Variants in CD200R1 observed in about 807,000 individuals in gnomAD.
CD200R1 encodes CD200 receptor 1.
A neutral mutation model predicts 38.1 loss-of-function variants in CD200R1; 30 were observed. That is an observed-to-expected ratio of 0.79 (90% CI 0.59 to 1.07). The LOEUF (loss-of-function observed/expected upper bound fraction) is 1.07. CD200R1 is among the 50% of genes least tolerant of loss of function. The pLI, the probability that CD200R1 is intolerant of heterozygous loss-of-function variation, is 0.00. For synonymous variants in CD200R1, 128 were observed against 152.1 expected, an observed-to-expected ratio of 0.84 and a Z score of 1.16; for missense variants, 372 against 415.4, an observed-to-expected ratio of 0.90 and a Z score of 0.91.
chr3:112,933,526 G>A (rs1025500517), intron 2 of CD200R1, among the ~76,000 whole-genome samples: 4 of 152,074 alleles, frequency 2.6e-5, no homozygotes, highest in Admixed American at 6.5e-5. Context: ...TAGAAGAGGC[G>A]ACAATTGCAC....
intron 1 of CD200R1, among the ~76,000 whole-genome samples, chr3:112,968,659 A>C (rs1040460574): frequency 6.6e-6 from 1 of 152,212 alleles, no homozygotes; most frequent in Non-Finnish European, 1.5e-5. Flanking sequence ...CAGCAGGCAG[A>C]TTTTAGGGCA....
intron 1 of CD200R1, among the ~76,000 whole-genome samples, chr3:112,968,961 G>C (rs1933231386): frequency 6.6e-6 from 1 of 152,136 alleles, no homozygotes; most frequent in East Asian, 1.9e-4. Flanking sequence ...CCTATGCTTA[G>C]GAGAAAATAC....
Position 112,921,516 on chromosome 3 carries a change from TGG to T in CD200R1, c.*2159_*2160del, listed in dbSNP as rs1940171242. On this transcript the variant is annotated 3_prime_UTR_variant, in exon 8 of 8. Coordinates refer to ENST00000308611, the MANE Select transcript of CD200R1 (RefSeq NM_138806.4). ...GCAAAGGAAAAGATACAAAATGGGA[TGG>T]GGAGAAAGCACAGTAAATGAGACAT... The T allele has an allele frequency of 1.3e-5, 2 of 151,824 alleles. No homozygotes were observed. The highest frequency in any genetic ancestry group is 2.9e-5 in the Non-Finnish European group (2 of 67,916). 9.4% of individuals were successfully genotyped at this position (151,824 alleles called of 1,614,324 possible). A position where few individuals can be genotyped will look rare whatever the true frequency, so the allele number is the denominator to read the frequency against.
chr3:112,946,783 G>T (rs544183507), intron 2 of CD200R1, among the ~76,000 whole-genome samples: 61 of 152,182 alleles, frequency 4.0e-4, no homozygotes, highest in African/African-American at 1.3e-3. Context: ...CATGCTTTTT[G>T]GTATTTACCC....
chr3:112,951,747 C>A (rs570097965), intron 1 of CD200R1, among the ~76,000 whole-genome samples: 3 of 146,272 alleles, frequency 2.1e-5, no homozygotes, highest in Non-Finnish European at 4.5e-5. Flanking sequence ...CTAGCACAAA[C>A]AATTGGAAAA....
intron 1 of CD200R1, among the ~76,000 whole-genome samples, chr3:112,973,976 G>A (rs1933372211): frequency 6.6e-6 from 1 of 152,132 alleles, no homozygotes; most frequent in Non-Finnish European, 1.5e-5. Flanking sequence ...ACATCTTGAA[G>A]ATAAATACAG....
intron 1 of CD200R1, among the ~76,000 whole-genome samples, chr3:112,955,511 T>G (rs1221654214): frequency 8.0e-6 from 1 of 124,294 alleles, no homozygotes; most frequent in Non-Finnish European, 1.7e-5. Context: ...TCTCTTCACA[T>G]TTTTTTTTTT....
intron 2 of CD200R1, among the ~76,000 whole-genome samples, chr3:112,936,515 A>G (rs1379892018): frequency 6.6e-6 from 1 of 152,170 alleles, no homozygotes; most frequent in Non-Finnish European, 1.5e-5. Context: ...GTGAGATAGT[A>G]TCTCATTGTA....
intron 1 of CD200R1, among the ~76,000 whole-genome samples, chr3:112,950,301 C>T (rs1051533644): frequency 2.0e-5 from 3 of 151,304 alleles, no homozygotes; most frequent in African/African-American, 7.3e-5. Flanking sequence ...ACTTGGGAGG[C>T]TGATGCAGAG....
intron 1 of CD200R1, among the ~76,000 whole-genome samples, chr3:112,961,258 A>G (rs943952794): frequency 6.6e-6 from 1 of 152,092 alleles, no homozygotes; most frequent in African/African-American, 2.4e-5. Context: ...CTTGCCACTC[A>G]AATTCCTGGA....
intron 1 of CD200R1, among the ~76,000 whole-genome samples, chr3:112,951,647 A>T (rs1940970766): frequency 6.6e-6 from 1 of 151,824 alleles, no homozygotes; most frequent in Admixed American, 6.6e-5. Flanking sequence ...AGTTTGAGGA[A>T]GTTTTCTTCT....
chr3:112,934,981 CA>C (rs1481663004), intron 2 of CD200R1, among the ~76,000 whole-genome samples: 2 of 151,824 alleles, frequency 1.3e-5, no homozygotes, highest in East Asian at 3.9e-4. Flanking sequence ...GACTTTAAGA[CA>C]AAGGCTATAT....
chr3:112,924,203 T>A (rs1005006773), intron 7 of CD200R1, among the ~76,000 whole-genome samples: 1 of 151,946 alleles, frequency 6.6e-6, no homozygotes, highest in African/African-American at 2.4e-5. Flanking sequence ...TTCAAATTGG[T>A]GACAAGAAAC....
At chr3:112,967,935 G>A (rs573582542) in intron 1 of CD200R1, among the ~76,000 whole-genome samples, 6 of 152,178 alleles carry the variant, frequency 3.9e-5, no homozygotes, top group Non-Finnish European at 8.8e-5. Flanking sequence ...TAAAATGAAA[G>A]ATTTTTAATT....
In CD200R1 at chr3:112,928,862, G is replaced by A. The variant is rs763702569; in HGVS notation, c.723C>T (p.Val241=). ...GACTCTTGTTGCCAGTCAAATGGGA[G>A]ACGTGGCAGGTCACGGTAGACACAT... is the stretch of plus-strand genomic sequence containing the variant. ...VHNVSTVTCH[V]SHLTGNKSLY... is the part of the protein sequence containing the mutation. Residue 241 remains valine, a synonymous_variant, in exon 5 of 8, where the codon GTC becomes GTT. Transcript: ENST00000308611. 1 of 1,613,834 alleles carries A rather than the reference G, an allele frequency of 6.2e-7. No individual in the cohort carries two copies. Among genetic ancestry groups the A allele is most frequent in the South Asian group, 1.1e-5 (1 of 91,062 alleles).
intron 1 of CD200R1, among the ~76,000 whole-genome samples, chr3:112,969,030 C>G (rs1391486453): frequency 6.6e-6 from 1 of 152,104 alleles, no homozygotes; most frequent in African/African-American, 2.4e-5. Flanking sequence ...AGACAAGAGT[C>G]TTACAGCAAC....
At position 112,959,295 on chromosome 3, in the gene CD200R1, C is replaced by T. The variant is rs908401164; in HGVS notation, c.68-11371G>A. Reference sequence around the variant, plus strand: ...CCCTTTCCTTCAGTTGCAGGTCTTCCGGAGGAATACAAACAGATAAGTTAG... The same window carrying T: ...CCCTTTCCTTCAGTTGCAGGTCTTCTGGAGGAATACAAACAGATAAGTTAG... On this transcript the variant is annotated intron_variant, in intron 1 of 7. Transcript: ENST00000308611. Among the ~76,000 whole-genome samples the T allele has an allele frequency of 7.2e-5, 11 of 151,920 alleles. No individual in the cohort carries two copies. In the East Asian group the frequency reaches 7.7e-4, roughly 11 times the overall value.
At chr3:112,937,253 C>A (rs1356230959) in intron 2 of CD200R1, among the ~76,000 whole-genome samples, 1 of 152,132 alleles carries the variant, frequency 6.6e-6, no homozygotes, top group Non-Finnish European at 1.5e-5. Flanking sequence ...ATCATGAGAA[C>A]AGCATGAGAG....
At chr3:112,933,177 G>C (rs1418929456) in intron 2 of CD200R1, among the ~76,000 whole-genome samples, 1 of 152,082 alleles carries the variant, frequency 6.6e-6, no homozygotes, top group African/African-American at 2.4e-5. Context: ...CAGACTGGCC[G>C]AGTGGCTGCC....
Sources: gnomAD v4.1 joint callset for allele counts (sites outside exome capture counted in the v4.1 genomes callset) on GRCh38, gnomAD v4.1.1 for gene constraint, MANE v1.5 for transcripts, NCBI Gene and HGNC (gene_info 2026-07-23, HGNC 2026-07-21) for gene names.